IL33: variants seen among roughly 807,000 people sequenced by gnomAD.
IL33 encodes the protein interleukin-33.
Under a neutral mutation model 27.3 loss-of-function variants are expected in IL33, and 37 were observed. The ratio of observed to expected loss-of-function variants is 1.36; its 90% CI spans 1.04 to 1.78. The LOEUF (loss-of-function observed/expected upper bound fraction) is 1.78. Among genes scored for constraint, IL33 ranks in the 40% most tolerant of loss-of-function variants. The pLI is 0.00. For missense variants in IL33, 406 were observed against 311.4 expected, an observed-to-expected ratio of 1.30 and a Z score of -2.29; for synonymous variants, 132 against 102.9, an observed-to-expected ratio of 1.28 and a Z score of -1.71.
chr9:6,228,508 G>A (rs934594709), intron 1 of IL33, among the ~76,000 whole-genome samples: 1 of 151,084 alleles, frequency 6.6e-6, no homozygotes, highest in African/African-American at 2.4e-5. Context: ...TATGTTCCAT[G>A]TTGTTTTTTT....
Position 6,237,907 on chromosome 9 carries a change from C to T in IL33, c.-11-3777C>T, listed in dbSNP as rs2130278009. Reference sequence around the variant, plus strand: ...TTCATTATCTACTGTGTGCAGGTTACTATTTAAACTATTTTATATACAACT... The same window carrying T: ...TTCATTATCTACTGTGTGCAGGTTATTATTTAAACTATTTTATATACAACT... On this transcript the variant is annotated intron_variant, in intron 1 of 7. Coordinates refer to ENST00000682010, the MANE Select transcript of IL33 (RefSeq NM_033439.4). Among the ~76,000 whole-genome samples the T allele has an allele frequency of 1.3e-5, 2 of 152,228 alleles. 1 individual carries two copies. Among genetic ancestry groups the T allele is most frequent in the South Asian group, 4.2e-4 (2 of 4,818 alleles).
At chr9:6,250,423 G>GGATAAAGAT (rs1480351163) in intron 2 of IL33, 51 bp from the exon 3 acceptor site, 1 of 1,595,202 alleles carries the variant, frequency 6.3e-7, no homozygotes, top group Non-Finnish European at 8.5e-7. Flanking sequence ...ATTTGTAGAA[G>GGATAAAGAT]GATAAAGATG....
At chr9:6,237,618 T>C (rs750671329) in intron 1 of IL33, among the ~76,000 whole-genome samples, 6 of 152,148 alleles carry the variant, frequency 3.9e-5, no homozygotes, top group Non-Finnish European at 2.9e-5. Context: ...TAAACAAAGG[T>C]ACCCATGAGT....
rs1816765518 is a variant in IL33 at position 6,256,958 on chromosome 9, T to A, written c.*790T>A. 1 of 152,180 alleles carries A rather than the reference T, an allele frequency of 6.6e-6. No homozygotes were observed. Among genetic ancestry groups the A allele is most frequent in the Admixed American group, 6.5e-5 (1 of 15,272 alleles). The allele number at this position is 152,180 out of a possible 1,614,324, so 9.4% of individuals were successfully genotyped here. On this transcript the variant is annotated 3_prime_UTR_variant, in exon 8 of 8. Coordinates refer to ENST00000682010, the MANE Select transcript of IL33 (RefSeq NM_033439.4). ...TTTAGTTCAGACATAAAATTTCACT[T>A]ATTAGGAATATGTAACATGCTAAAA...
intron 1 of IL33, among the ~76,000 whole-genome samples, chr9:6,236,873 A>T (rs1240552615): frequency 1.3e-5 from 2 of 152,350 alleles, no homozygotes. Context: ...TCTGTCTCAA[A>T]AAATAAATAA....
chr9:6,226,417 ATGT>A (rs932795091), intron 1 of IL33, among the ~76,000 whole-genome samples: 3 of 152,124 alleles, frequency 2.0e-5, no homozygotes, highest in Non-Finnish European at 4.4e-5. Context: ...ATTTCTTTAA[ATGT>A]TGTTCCATCT....
intron 1 of IL33, among the ~76,000 whole-genome samples, chr9:6,218,425 G>C (rs1236049565): frequency 6.6e-6 from 1 of 151,980 alleles, no homozygotes; most frequent in African/African-American, 2.4e-5. Flanking sequence ...TGAGAAACAG[G>C]AAATGTCACT....
chr9:6,242,348 C>A (rs537483335), intron 2 of IL33: 1 of 152,180 alleles, frequency 6.6e-6, no homozygotes, highest in African/African-American at 2.4e-5. Flanking sequence ...CAGCTTGCTG[C>A]CAGCGCTTAT....
intron 1 of IL33, among the ~76,000 whole-genome samples, chr9:6,226,502 C>G (rs1360777966): frequency 6.6e-6 from 1 of 151,982 alleles, no homozygotes; most frequent in Non-Finnish European, 1.5e-5. Context: ...AGTCTTTTAC[C>G]CTCTTTTCAT....
chr9:6,224,169 A>T (rs574764312), intron 1 of IL33, among the ~76,000 whole-genome samples: 12 of 152,240 alleles, frequency 7.9e-5, no homozygotes, highest in African/African-American at 2.4e-4. Flanking sequence ...TATTTCCTAA[A>T]GCTGCCTTCA....
intron 1 of IL33, among the ~76,000 whole-genome samples, chr9:6,233,082 A>T (rs12339348): frequency 0.18 from 27,118 of 152,184 alleles, 2,750 homozygotes; most frequent in Non-Finnish European, 0.22. Context: ...TTGTACAACC[A>T]TAACCACTCT....
intron 2 of IL33, 137 bp downstream of exon 2, chr9:6,241,922 C>A: frequency 1.5e-6 from 1 of 661,042 alleles, no homozygotes; most frequent in Non-Finnish European, 2.5e-6. Context: ...AGAGATGGCA[C>A]ATAAGGGTAT....
rs540870929 is a variant in IL33 at position 6,239,753 on chromosome 9, C to T, written c.-11-1931C>T. Among the ~76,000 whole-genome samples the T allele has an allele frequency of 2.0e-5, 3 of 152,266 alleles. No individual in the cohort carries two copies. The South Asian group carries it at 6.2e-4, about 32-fold the overall frequency. Reference sequence around the variant, plus strand: ...CCAGACAATGAGGCCTATTTCAATGCTATCATTCCTTCTGTAATGACTAGA... The same window carrying T: ...CCAGACAATGAGGCCTATTTCAATGTTATCATTCCTTCTGTAATGACTAGA... On this transcript the variant is annotated intron_variant, in intron 1 of 7. Transcript: ENST00000682010.
chr9:6,236,373 A>G (rs1282282473), intron 1 of IL33, among the ~76,000 whole-genome samples: 1 of 152,244 alleles, frequency 6.6e-6, no homozygotes, highest in African/African-American at 2.4e-5. Context: ...TGTCATTTAC[A>G]TATTTTCTAA....
chr9:6,217,912 G>A (rs540750281), intron 1 of IL33, among the ~76,000 whole-genome samples: 10 of 146,996 alleles, frequency 6.8e-5, no homozygotes, highest in South Asian at 2.1e-4. Flanking sequence ...TGCTTCTCCC[G>A]CTGAAGCATC....
At chr9:6,243,154 C>G (rs576692320) in intron 2 of IL33, among the ~76,000 whole-genome samples, 1 of 152,226 alleles carries the variant, frequency 6.6e-6, no homozygotes, top group Admixed American at 6.5e-5. Flanking sequence ...CTTGGTGGGA[C>G]CAAACCAACC....
intron 1 of IL33, among the ~76,000 whole-genome samples, chr9:6,237,903 G>C (rs183280397): frequency 6.6e-6 from 1 of 152,068 alleles, no homozygotes; most frequent in East Asian, 1.9e-4. Flanking sequence ...CTGTGTGCAG[G>C]TTACTATTTA....
Position 6,216,663 on chromosome 9 carries a change from G to A in IL33, c.-12+811G>A, listed in dbSNP as rs142929873. 8.0e-3 allele frequency among the ~76,000 whole-genome samples: 1,217 copies of A among 152,178 alleles called. 11 individuals carry two copies. The highest frequency in any genetic ancestry group is 0.013 in the Non-Finnish European group (855 of 68,006). On this transcript the variant is annotated intron_variant, in intron 1 of 7. Coordinates refer to ENST00000682010, the MANE Select transcript of IL33 (RefSeq NM_033439.4). ...CTCGGGAGGCTAAGGCAGGAGAATC[G>A]CTTGAACCCAGGAGGTGGAGGTTGC...
chr9:6,227,156 G>A (rs1329198605), intron 1 of IL33, among the ~76,000 whole-genome samples: 1 of 152,178 alleles, frequency 6.6e-6, no homozygotes, highest in South Asian at 2.1e-4. Flanking sequence ...CCCTTCTGCC[G>A]AGTTTATTTA....
Sources: allele counts gnomAD v4.1 joint callset (sites outside exome capture counted in the v4.1 genomes callset), GRCh38; gene constraint gnomAD v4.1.1; transcripts MANE v1.5; gene names NCBI Gene and HGNC (gene_info 2026-07-23, HGNC 2026-07-21).